The following SYNJ2 variants were observed in gnomAD, a reference collection of about 807,000 sequenced individuals.
SYNJ2 encodes synaptojanin 2.
SYNJ2 carries 116 observed loss-of-function variants against 141.3 expected under a neutral mutation model. The ratio of observed to expected loss-of-function variants is 0.82; its 90% confidence interval spans 0.71 to 0.96. The LOEUF (loss-of-function observed/expected upper bound fraction) is 0.96. SYNJ2 is among the 40% of genes least tolerant of loss of function. The pLI is 0.00. For missense variants in SYNJ2, 1,873 were observed against 1,934.8 expected (o/e 0.97, Z 0.60); for synonymous variants, 745 against 777.7 (o/e 0.96, Z 0.70).
chr6:158,036,981 C>T (rs1371187653), intron 4 of SYNJ2, among the ~76,000 whole-genome samples: 1 of 152,188 alleles, frequency 6.6e-6, no homozygotes, highest in African/African-American at 2.4e-5. Flanking sequence ...CTTGGGGTCT[C>T]ATCTATTGCA....
rs1182961675 is a variant in SYNJ2, at chr6:158,084,177, A to G, written c.3208+3A>G. The G allele has an allele frequency of 3.7e-6, 6 of 1,610,990 alleles. No individual in the cohort carries two copies. The East Asian group carries it at 1.3e-4, about 36-fold the overall frequency. On this transcript the variant is annotated splice_donor_region_variant and intron_variant, in intron 22 of 26. Coordinates refer to ENST00000355585, the MANE Select transcript of SYNJ2 (RefSeq NM_003898.4). This position sits in a 1 kb window ranked among gnomAD's most constrained non-coding sequence, Gnocchi z 5.0. ...GAAGCAGCATCCAACGTACAAAGGT[A>G]GCCTGACCCTTCTTTTCTCAGGAGC...
intron 10 of SYNJ2, 23 bp downstream of exon 10, chr6:158,064,773 G>C (rs1781454636): frequency 4.3e-6 from 7 of 1,612,368 alleles, no homozygotes; most frequent in Non-Finnish European, 5.9e-6. Context: ...CGAGGGGGCA[G>C]GGTGGGGGCC....
chr6:158,055,914 A>G (rs1780843572), intron 6 of SYNJ2, among the ~76,000 whole-genome samples: 1 of 152,222 alleles, frequency 6.6e-6, no homozygotes, highest in South Asian at 2.1e-4. Context: ...AAGCATTATT[A>G]GTATGTCCTG....
intron 3 of SYNJ2, 64 bp downstream of exon 3, chr6:158,029,090 T>TCTCCTGCAGAG: frequency 9.3e-5 from 147 of 1,573,106 alleles, no homozygotes; most frequent in Admixed American, 3.6e-4. Flanking sequence ...GGGCCCTGGT[T>TCTCCTGCAGAG]GGCATCTGAG....
chr6:158,088,886 C>A (rs1032541412), intron 24 of SYNJ2, 114 bp downstream of exon 24: 2 of 735,774 alleles, frequency 2.7e-6, no homozygotes, highest in African/African-American at 1.8e-5. Context: ...TACCTGCTCA[C>A]CATCTCATCT....
In SYNJ2 at chr6:158,096,620, G is replaced by A; in HGVS notation, c.*256G>A. On this transcript the variant is annotated 3_prime_UTR_variant, in exon 27 of 27. Coordinates refer to ENST00000355585, the MANE Select transcript of SYNJ2 (RefSeq NM_003898.4). ...TGGGAACCTTCCTGTTAAATTCGGT[G>A]TATGGATTTTAAGAAAGGAATCTAG... is the stretch of plus-strand genomic sequence containing the variant. 5.8e-6 allele frequency: 2 copies of A among 344,792 alleles called. No homozygotes were observed. Among genetic ancestry groups the A allele is most frequent in the Non-Finnish European group, 1.0e-5 (2 of 192,268 alleles). The allele number at this position is 344,792 out of a possible 1,614,324, so 21.4% of individuals were successfully genotyped here.
At chr6:158,066,112 G>A (rs1221831373) in intron 11 of SYNJ2, among the ~76,000 whole-genome samples, 3 of 152,164 alleles carry the variant, frequency 2.0e-5, no homozygotes, top group Admixed American at 6.5e-5. Flanking sequence ...GTTCTTCTAC[G>A]GAGTGGACAG....
At chr6:158,032,003 A>G (rs913241097) in intron 3 of SYNJ2, among the ~76,000 whole-genome samples, 16 of 152,290 alleles carry the variant, frequency 1.1e-4, no homozygotes, top group African/African-American at 3.6e-4. Context: ...CTGGCTTATC[A>G]TCTGAATTTG....
At chr6:158,024,762 G>C (rs540952061) in intron 2 of SYNJ2, among the ~76,000 whole-genome samples, 1 of 152,164 alleles carries the variant, frequency 6.6e-6, no homozygotes, top group South Asian at 2.1e-4. Context: ...ATTCTGAAGA[G>C]GGGGGACTGG....
At chr6:157,989,235 G>A (rs1228045197) in intron 1 of SYNJ2, among the ~76,000 whole-genome samples, 1 of 151,844 alleles carries the variant, frequency 6.6e-6, no homozygotes, top group African/African-American at 2.4e-5. Flanking sequence ...CACCTACCAG[G>A]TGCTGATCCA....
At chr6:158,056,171 C>T (rs1301623123) in intron 6 of SYNJ2, among the ~76,000 whole-genome samples, 2 of 152,188 alleles carry the variant, frequency 1.3e-5, no homozygotes, top group African/African-American at 4.8e-5. Flanking sequence ...TTCAGGAACC[C>T]TCCTATGTTT....
At chr6:158,055,455 T>G (rs1780810394) in intron 6 of SYNJ2, among the ~76,000 whole-genome samples, 1 of 152,140 alleles carries the variant, frequency 6.6e-6, no homozygotes, top group Non-Finnish European at 1.5e-5. Flanking sequence ...GAGATTTTAC[T>G]ATTAGTAGTT....
intron 1 of SYNJ2, among the ~76,000 whole-genome samples, chr6:158,016,724 G>A (rs377402029): frequency 2.0e-5 from 3 of 152,210 alleles, no homozygotes; most frequent in South Asian, 2.1e-4. Context: ...GGCAAGGCAC[G>A]CAGCTTTCCT....
chr6:158,096,018 A>G lies in SYNJ2; in HGVS notation c.4145A>G (p.Asp1382Gly), dbSNP rs1783781196. The G allele has an allele frequency of 1.9e-6, 3 of 1,614,060 alleles. No individual in the cohort carries two copies. Among genetic ancestry groups the G allele is most frequent in the Non-Finnish European group, 2.5e-6 (3 of 1,180,032 alleles). ...GCGGGCACCGTCTTCCCACAAGGGG[A>G]CTTTCTCAGCACTTCATCTGCTACA... ...PAAGTVFPQGDFLSTSSATSP... is the reference protein window; with the variant it reads ...PAAGTVFPQGGFLSTSSATSP... Residue 1382 changes from aspartate (D) to glycine (G), a missense_variant, in exon 27 of 27, where the codon GAC becomes GGC. By Grantham distance (94) the Asp-to-Gly change is moderately conservative (BLOSUM62 -1). Transcript: ENST00000355585.
At position 157,982,353 on chromosome 6, in the gene SYNJ2, T is replaced by C. The variant is rs1777046150; in HGVS notation, c.127+265T>C. On this transcript the variant is annotated intron_variant, in intron 1 of 26. Transcript: ENST00000355585. This position sits in a 1 kb window ranked among gnomAD's most constrained non-coding sequence, Gnocchi z 4.0. ...CCGCGCCGCCAGAGGATATGGTTGC[T>C]GGATAGCCGGCTGGGGCGCTTTGCG... 1.3e-5 allele frequency among the ~76,000 whole-genome samples: 2 copies of C among 152,062 alleles called. No individual in the cohort carries two copies. Among genetic ancestry groups the C allele is most frequent in the Non-Finnish European group, 2.9e-5 (2 of 67,984 alleles).
At chr6:158,073,327 A>G (rs1782057621) in intron 15 of SYNJ2, among the ~76,000 whole-genome samples, 1 of 77,092 alleles carries the variant, frequency 1.3e-5, no homozygotes, top group Non-Finnish European at 2.8e-5. Flanking sequence ...CCTCCTGAGT[A>G]ATTGGGATTA....
intron 13 of SYNJ2, among the ~76,000 whole-genome samples, chr6:158,069,142 C>T (rs932939985): frequency 1.1e-4 from 16 of 152,044 alleles, no homozygotes; most frequent in African/African-American, 3.6e-4. Context: ...TTTCTTCCTG[C>T]ACACCAGGGC....
intron 7 of SYNJ2, 130 bp downstream of exon 7, chr6:158,059,483 C>G: frequency 6.8e-7 from 1 of 1,480,350 alleles, no homozygotes; most frequent in Non-Finnish European, 9.0e-7. Context: ...CTGAGGCTTC[C>G]CCAGCATTCC....
At position 158,063,866 on chromosome 6, in the gene SYNJ2, G is replaced by C; in HGVS notation, c.1203G>C (p.Ala401=). The C allele has an allele frequency of 6.2e-7, 1 of 1,613,250 alleles. No homozygotes were observed. Among genetic ancestry groups the C allele is most frequent in the East Asian group, 2.2e-5 (1 of 44,842 alleles). The stretch of plus-strand genomic sequence containing the variant: ...CCAACACTGTGCAGAGCTTCATCGC[G>C]CTCGAGGTGCGTCCCTGCCACAGCC... ...DRTNTVQSFI[A]LEVLHLQLKT... is the part of the protein sequence containing the mutation. The change falls in exon 9 of 27, where the codon GCG becomes GCC. Residue 401 remains alanine, a synonymous_variant. Coordinates refer to ENST00000355585, the MANE Select transcript of SYNJ2 (RefSeq NM_003898.4).
Sources: allele counts gnomAD v4.1 joint callset (sites outside exome capture counted in the v4.1 genomes callset), GRCh38; gene constraint gnomAD v4.1.1; non-coding constraint Gnocchi (gnomAD v3.1); transcripts MANE v1.5; gene names NCBI Gene and HGNC (gene_info 2026-07-23, HGNC 2026-07-21).